The following MTCL1 variants were observed in gnomAD, a reference collection of about 807,000 sequenced individuals.
The protein encoded by MTCL1 is microtubule crosslinking factor 1.
MTCL1 carries 79 observed loss-of-function variants against 141.4 expected under a neutral mutation model. That is an observed-to-expected ratio of 0.56 (90% CI 0.47 to 0.67). The LOEUF is 0.67. Among genes scored for constraint, MTCL1 ranks in the 30% least tolerant of loss-of-function variants. The probability of loss-of-function intolerance (pLI) is 0.00; values close to 1 mark genes in which losing one functional copy is unlikely to be tolerated. For synonymous variants in MTCL1, 914 were observed against 875.8 expected (o/e 1.04, Z -0.77); for missense variants, 2,177 against 2,113.9 (o/e 1.03, Z -0.59).
chr18:8,774,875 C>G (rs2096499538), intron 4 of MTCL1, among the ~76,000 whole-genome samples: 1 of 152,110 alleles, frequency 6.6e-6, no homozygotes, highest in African/African-American at 2.4e-5. Context: ...GGAGGAGTGT[C>G]CCATGACTCC....
chr18:8,726,526 AGCGAGTGCGCATGCGC>A (rs1567945278), intron 4 of MTCL1, among the ~76,000 whole-genome samples: 1,363 of 120,586 alleles, frequency 0.011, 39 homozygotes, highest in Admixed American at 0.053. Context: ...AGCGAGAGAG[AGCGAGTGCGCATGCGC>A]GCGCGCAACA....
intron 12 of MTCL1, among the ~76,000 whole-genome samples, chr18:8,814,945 C>T (rs959295355): frequency 3.2e-4 from 48 of 152,142 alleles, no homozygotes; most frequent in African/African-American, 1.0e-3. Flanking sequence ...ACTCAACTTT[C>T]GAAAAGTCAG....
At chr18:8,757,418 G>A (rs1040901079) in intron 4 of MTCL1, among the ~76,000 whole-genome samples, 2 of 152,162 alleles carry the variant, frequency 1.3e-5, no homozygotes, top group African/African-American at 4.8e-5. Context: ...AGACCCCCCA[G>A]ACTTTGTAAC....
intron 4 of MTCL1, among the ~76,000 whole-genome samples, chr18:8,742,102 T>A (rs2096306949): frequency 6.6e-6 from 1 of 151,564 alleles, no homozygotes; most frequent in Non-Finnish European, 1.5e-5. Flanking sequence ...CAGAAGCCAG[T>A]TCTAGATAGG....
At chr18:8,766,391 C>T (rs1200345685) in intron 4 of MTCL1, among the ~76,000 whole-genome samples, 1 of 152,172 alleles carries the variant, frequency 6.6e-6, no homozygotes, top group Non-Finnish European at 1.5e-5. Context: ...GCTGCAGGGA[C>T]ACTGTGTAGG....
intron 2 of MTCL1, among the ~76,000 whole-genome samples, chr18:8,718,190 A>G (rs1423698892): frequency 6.6e-6 from 1 of 152,172 alleles, no homozygotes; most frequent in Non-Finnish European, 1.5e-5. Context: ...GCCACAATGA[A>G]TAATCCAGTT....
intron 12 of MTCL1, among the ~76,000 whole-genome samples, chr18:8,817,005 A>AGT (rs1413707054): frequency 2.6e-5 from 4 of 152,178 alleles, no homozygotes; most frequent in African/African-American, 9.7e-5. Flanking sequence ...TAGCAGCTTG[A>AGT]GTACAAGTTG....
rs1245737624 is a variant in MTCL1, at chr18:8,758,027, T to TC, written c.358-19806_358-19805insC. On this transcript the variant is annotated intron_variant, in intron 4 of 16. Coordinates refer to ENST00000359865, the Ensembl canonical transcript of MTCL1. ...TGATGAGTAGCACCCAGTCTTTTTTTTTTTTTTTTTTTGAGACAGAGTTTC... is the reference window on the plus strand; with the variant it reads ...TGATGAGTAGCACCCAGTCTTTTTTTCTTTTTTTTTTTTGAGACAGAGTTTC... Among the ~76,000 whole-genome samples, 3 of 151,336 alleles carry TC rather than the reference T, an allele frequency of 2.0e-5. No individual in the cohort carries two copies. In the East Asian group the frequency reaches 5.8e-4, roughly 29 times the overall value.
In MTCL1 at chr18:8,830,817, A is replaced by G. The variant is rs1487952562; in HGVS notation, c.*19-790A>G. 2 of 985,344 alleles carry G rather than the reference A, an allele frequency of 2.0e-6. No individual in the cohort carries two copies. Among genetic ancestry groups the G allele is most frequent in the Non-Finnish European group, 2.4e-6 (2 of 829,950 alleles). The allele number at this position is 985,344 out of a possible 1,614,324, so 61.0% of individuals were successfully genotyped here. A position where few individuals can be genotyped will look rare whatever the true frequency, so the allele number is the denominator to read the frequency against. Reference sequence around the variant, plus strand: ...TGTCCTGGTTTTGTAACATGTAAGGACAAGGAGCTCAACATTCTTTAAAAA... The same window carrying G: ...TGTCCTGGTTTTGTAACATGTAAGGGCAAGGAGCTCAACATTCTTTAAAAA... On this transcript the variant is annotated intron_variant, in intron 16 of 16. Coordinates refer to ENST00000359865, the Ensembl canonical transcript of MTCL1. This position sits in a 1 kb window ranked among gnomAD's most constrained non-coding sequence, Gnocchi z 6.4.
At chr18:8,785,989 G>C (rs765341139) in exon 7 of MTCL1, 2 of 1,607,084 alleles carry the variant, frequency 1.2e-6, no homozygotes, top group South Asian at 2.2e-5. Context: ...GAGGGGACGA[G>C]CGGGAGAGCC....
At chr18:8,812,880 A>C (rs2076533518) in intron 11 of MTCL1, 99 bp from the exon 11 acceptor site, 36 of 1,464,560 alleles carry the variant, frequency 2.5e-5, no homozygotes, top group Non-Finnish European at 3.2e-5. Flanking sequence ...ATCTTGGTTT[A>C]AACATGTTTC....
chr18:8,831,895 A>G, exon 17 of MTCL1: 1 of 1,403,554 alleles, frequency 7.1e-7, no homozygotes, highest in Admixed American at 2.1e-5. Context: ...GGAGAGATCT[A>G]GTTTTCTCAA....
In MTCL1 at chr18:8,832,003, CTTAAT is replaced by C. The variant is rs368153195; in HGVS notation, c.*418_*422del. 2.6e-4 allele frequency: 174 copies of C among 669,074 alleles called. No individual in the cohort carries two copies. The African/African-American group carries it at 2.7e-3, about 11-fold the overall frequency. 41.4% of individuals were successfully genotyped at this position (669,074 alleles called of 1,614,324 possible). A position where few individuals can be genotyped will look rare whatever the true frequency, so the allele number is the denominator to read the frequency against. On this transcript the variant is annotated 3_prime_UTR_variant, in exon 17 of 17. Coordinates refer to ENST00000359865, the Ensembl canonical transcript of MTCL1. ...GAAACAGTAAATGTGCCTGTAATAA[CTTAAT>C]TTTTTTCATAGCTCAGAAAACTATT...
chr18:8,753,518 C>A (rs897996471), intron 4 of MTCL1, among the ~76,000 whole-genome samples: 6 of 152,176 alleles, frequency 3.9e-5, no homozygotes, highest in African/African-American at 1.4e-4. Context: ...GTAAGCATGA[C>A]CCAATGGGCC....
rs1598812157 is a variant in MTCL1 at position 8,822,781 on chromosome 18, A to G, written c.3188+1283A>G. Among the ~76,000 whole-genome samples the G allele has an allele frequency of 6.6e-6, 1 of 151,404 alleles. No individual in the cohort carries two copies. The highest frequency in any genetic ancestry group is 1.5e-5 in the Non-Finnish European group (1 of 67,866). On this transcript the variant is annotated intron_variant, in intron 14 of 16. Coordinates refer to ENST00000359865, the Ensembl canonical transcript of MTCL1. This position sits in a 1 kb window ranked among gnomAD's most constrained non-coding sequence, Gnocchi z 4.6. Reference sequence around the variant, plus strand: ...ACAGTAAACAGAGTTTAGTCATTACACCCTCCCACCTTCCCCGTTCACAGC... The same window carrying G: ...ACAGTAAACAGAGTTTAGTCATTACGCCCTCCCACCTTCCCCGTTCACAGC...
chr18:8,713,572 T>C (rs2096107751), upstream of MTCL1, among the ~76,000 whole-genome samples: 1 of 152,244 alleles, frequency 6.6e-6, no homozygotes. Flanking sequence ...CTAATTCCAG[T>C]AATCATAGTT....
rs1210126851 is a variant in MTCL1 at position 8,779,188 on chromosome 18, C to T, written c.417+1296C>T. Among the ~76,000 whole-genome samples the T allele has an allele frequency of 6.6e-6, 1 of 152,152 alleles. No homozygotes were observed. Among genetic ancestry groups the T allele is most frequent in the Non-Finnish European group, 1.5e-5 (1 of 68,020 alleles). On this transcript the variant is annotated intron_variant, in intron 5 of 16. Coordinates refer to ENST00000359865, the Ensembl canonical transcript of MTCL1. The surrounding 1 kb of genome is among the most constrained non-coding windows in gnomAD (Gnocchi z 4.1). Reference sequence around the variant, plus strand: ...CAAGCCAAAGAATATATACAGAGAGCGATATATTTCTGTTGCTTGACAAGG... The same window carrying T: ...CAAGCCAAAGAATATATACAGAGAGTGATATATTTCTGTTGCTTGACAAGG...
chr18:8,786,301 TCAGA>T (rs1303765579), intron 7 of MTCL1: 4 of 708,334 alleles, frequency 5.6e-6, no homozygotes, highest in Non-Finnish European at 1.0e-5. Flanking sequence ...GCTGTGCTCG[TCAGA>T]CAGAGGGACA....
chr18:8,737,546 A>C (rs1403110532), intron 4 of MTCL1, among the ~76,000 whole-genome samples: 1 of 152,234 alleles, frequency 6.6e-6, no homozygotes, highest in Admixed American at 6.5e-5. Context: ...ATTGATAGCA[A>C]GTGAAATGAG....
Sources: gnomAD v4.1 joint callset for allele counts (sites outside exome capture counted in the v4.1 genomes callset) on GRCh38, gnomAD v4.1.1 for gene constraint, Gnocchi (gnomAD v3.1) non-coding constraint, MANE v1.5 for transcripts, NCBI Gene and HGNC (gene_info 2026-07-23, HGNC 2026-07-21) for gene names.